The following JHY variants were observed in gnomAD, a reference collection of about 807,000 sequenced individuals.
JHY encodes the protein junctional cadherin complex regulator.
Under a neutral mutation model 78.0 loss-of-function variants are expected in JHY, and 69 were observed. That is an observed-to-expected ratio of 0.88 (90% CI 0.73 to 1.08). The LOEUF is 1.08. Among genes scored for constraint, JHY ranks in the 50% least tolerant of loss-of-function variants. The probability of loss-of-function intolerance (pLI) is 0.00; values close to 1 mark genes in which losing one functional copy is unlikely to be tolerated. For synonymous variants in JHY, 368 were observed against 342.6 expected (o/e 1.07, Z -0.82); for missense variants, 944 against 927.8 (o/e 1.02, Z -0.23).
At position 122,956,565 on chromosome 11, in the gene JHY, A is replaced by C. The variant is rs750910426; in HGVS notation, c.1999A>C (p.Ile667Leu). The C allele has an allele frequency of 1.2e-5, 19 of 1,613,240 alleles. No homozygotes were observed. Among genetic ancestry groups the C allele is most frequent in the African/African-American group, 1.3e-5 (1 of 74,900 alleles). ...LGGLGPDFES[I>L]RDKTQKLIQQ... ...AGGCCTCGGACCTGACTTTGAGTCC[A>C]TCAGAGACAAAGTGAGTGAGATGCA... The change falls in exon 7 of 9, where the codon ATC becomes CTC. Residue 667 changes from isoleucine (I) to leucine (L), a missense_variant. Physicochemically the swap from Ile to Leu is conservative, Grantham distance 5 (BLOSUM62 2). Coordinates refer to ENST00000227349, the MANE Select transcript of JHY (RefSeq NM_024806.4).
At chr11:122,957,639 C>A (rs1469910514) in intron 8 of JHY, 148 bp downstream of exon 8, 6 of 760,252 alleles carry the variant, frequency 7.9e-6, no homozygotes, top group African/African-American at 3.8e-5. Context: ...AAGCTATCCT[C>A]CAAACTAAGC....
chr11:122,946,568 G>A lies in JHY; in HGVS notation c.1705G>A (p.Glu569Lys). 6.2e-7 allele frequency: 1 copy of A among 1,613,930 alleles called. No individual in the cohort carries two copies. The highest frequency in any genetic ancestry group is 8.5e-7 in the Non-Finnish European group (1 of 1,179,956). The stretch of plus-strand genomic sequence containing the variant: ...AGATTCATGGCTCACCCAGATAATG[G>A]AGCAGCATCAGCAAGCCTTGGTGCA... ...SPDSWLTQIMEQHQQALVQLT... is the reference protein window; with the variant it reads ...SPDSWLTQIMKQHQQALVQLT... Residue 569 changes from glutamate (E) to lysine (K), a missense_variant, in exon 6 of 9, where the codon GAG (glutamate) becomes AAG (lysine). Physicochemically the swap from Glu to Lys is moderately conservative, Grantham distance 56 (BLOSUM62 1). Coordinates refer to ENST00000227349, the MANE Select transcript of JHY (RefSeq NM_024806.4).
chr11:122,930,881 G>A (rs1250302210), intron 4 of JHY, among the ~76,000 whole-genome samples: 2 of 152,210 alleles, frequency 1.3e-5, no homozygotes, highest in Non-Finnish European at 2.9e-5. Context: ...AGGTGGCTTA[G>A]AAACAACAGA....
At chr11:122,922,670 G>A (rs374915465) in intron 3 of JHY, among the ~76,000 whole-genome samples, 1 of 151,728 alleles carries the variant, frequency 6.6e-6, no homozygotes, top group Non-Finnish European at 1.5e-5. Context: ...ATTAGCCGGG[G>A]GTGGTGGCAG....
chr11:122,896,240 T>C (rs1862737844), intron 2 of JHY, among the ~76,000 whole-genome samples: 1 of 151,474 alleles, frequency 6.6e-6, no homozygotes, highest in Admixed American at 6.6e-5. Flanking sequence ...TCTACAGCCA[T>C]TTAAGAATGG....
chr11:122,890,279 C>T (rs12098906), intron 2 of JHY, among the ~76,000 whole-genome samples: 24,675 of 151,840 alleles, frequency 0.16, 2,640 homozygotes, highest in African/African-American at 0.3. Flanking sequence ...TTATTGCAAC[C>T]GTGGTAGATA....
At position 122,904,061 on chromosome 11, in the gene JHY, G is replaced by C. The variant is rs749383823; in HGVS notation, c.481G>C (p.Ala161Pro). 1 of 1,614,116 alleles carries C rather than the reference G, an allele frequency of 6.2e-7. No individual in the cohort carries two copies. Among genetic ancestry groups the C allele is most frequent in the Middle Eastern group, 1.6e-4 (1 of 6,062 alleles). ...CAGCTCTTTAGAAAATCTGCCTTTG[G>C]CTCCCCTCTACCCTTCCCAGGAGAC... ...TDSSLENLPL[A>P]PLYPSQETSM... Residue 161 changes from alanine (A) to proline (P), a missense_variant, in exon 3 of 9, where the codon GCT (alanine) becomes CCT (proline). Coordinates refer to ENST00000227349, the MANE Select transcript of JHY (RefSeq NM_024806.4).
intron 5 of JHY, among the ~76,000 whole-genome samples, chr11:122,940,022 T>C (rs1208354475): frequency 6.6e-6 from 1 of 150,720 alleles, no homozygotes; most frequent in South Asian, 2.1e-4. Context: ...ATTTACTTTT[T>C]GTCCCTTTAA....
In JHY at chr11:122,962,309, TG is replaced by T. The variant is rs143408968; in HGVS notation, c.*2865del. Among the ~76,000 whole-genome samples the T allele has an allele frequency of 0.47, 71,367 of 151,916 alleles. 17,706 individuals carry two copies. The highest frequency in any genetic ancestry group is 0.56 in the Non-Finnish European group (38,162 of 67,898). ...GTGGTGTAAGGACTAGCTTTGGAAA[TG>T]TACTCCTATGTTGTATACATTTTAC... On this transcript the variant is annotated 3_prime_UTR_variant, in exon 9 of 9. Transcript: ENST00000227349.
rs1350011597 is a variant in JHY, at chr11:122,903,883, AT to A, written c.345-39del. 2.0e-6 allele frequency: 3 copies of A among 1,521,236 alleles called. No homozygotes were observed. In the African/African-American group the frequency reaches 4.2e-5, roughly 21 times the overall value. The allele number at this position is 1,521,236 out of a possible 1,614,324, so 94.2% of individuals were successfully genotyped here. On this transcript the variant is annotated intron_variant, in intron 2 of 8. Coordinates refer to ENST00000227349, the MANE Select transcript of JHY (RefSeq NM_024806.4). ...TCAACTGACTATAATGAGTGAATTT[AT>A]TTCAACTAAGGACTTGGCATTTCTC...
At chr11:122,939,661 C>T (rs1374376108) in intron 5 of JHY, among the ~76,000 whole-genome samples, 2 of 152,136 alleles carry the variant, frequency 1.3e-5, no homozygotes, top group East Asian at 3.9e-4. Context: ...ATTGTTCACA[C>T]CTAGTAAAAA....
intron 3 of JHY, among the ~76,000 whole-genome samples, chr11:122,916,900 G>T (rs925537693): frequency 1.3e-5 from 2 of 152,114 alleles, no homozygotes; most frequent in African/African-American, 4.8e-5. Context: ...AAAGTGCTGA[G>T]ATACAGGCAT....
chr11:122,907,824 A>C (rs1412979481), intron 3 of JHY, among the ~76,000 whole-genome samples: 1 of 143,398 alleles, frequency 7.0e-6, no homozygotes, highest in Non-Finnish European at 1.5e-5. Flanking sequence ...CAAGAGTGAA[A>C]CTCTATCTCA....
chr11:122,945,917 T>C (rs1352605861), intron 5 of JHY, among the ~76,000 whole-genome samples: 4 of 152,212 alleles, frequency 2.6e-5, no homozygotes, highest in African/African-American at 9.7e-5. Context: ...TGAATTAATG[T>C]AGCTTTTAAC....
At chr11:122,925,993 G>C (rs1403336092) in intron 4 of JHY, among the ~76,000 whole-genome samples, 1 of 151,370 alleles carries the variant, frequency 6.6e-6, no homozygotes, top group Non-Finnish European at 1.5e-5. Flanking sequence ...TTCCAGCCTG[G>C]GTGACAGAGC....
chr11:122,916,355 T>C (rs1255374977), intron 3 of JHY, among the ~76,000 whole-genome samples: 1 of 152,188 alleles, frequency 6.6e-6, no homozygotes, highest in Non-Finnish European at 1.5e-5. Flanking sequence ...AAAGCAGGTA[T>C]GAAAAATGAT....
chr11:122,924,044 A>T (rs1055666917), intron 3 of JHY, among the ~76,000 whole-genome samples: 7 of 151,824 alleles, frequency 4.6e-5, no homozygotes, highest in East Asian at 1.9e-4. Context: ...GACTTTTTAA[A>T]TTTTTTTAAA....
At chr11:122,906,622 T>C (rs1044883100) in intron 3 of JHY, among the ~76,000 whole-genome samples, 2 of 152,242 alleles carry the variant, frequency 1.3e-5, no homozygotes, top group African/African-American at 4.8e-5. Context: ...AGAAACTCTC[T>C]TTTTAGTCTG....
At chr11:122,930,179 C>T (rs1045819491) in intron 4 of JHY, among the ~76,000 whole-genome samples, 3 of 152,168 alleles carry the variant, frequency 2.0e-5, no homozygotes, top group African/African-American at 7.2e-5. Context: ...CTCCCAGGTG[C>T]AAGCGATTCT....
Sources: gnomAD v4.1 joint callset for allele counts (sites outside exome capture counted in the v4.1 genomes callset) on GRCh38, gnomAD v4.1.1 for gene constraint, MANE v1.5 for transcripts, NCBI Gene and HGNC (gene_info 2026-07-23, HGNC 2026-07-21) for gene names.